Variants in NVL observed in about 807,000 individuals in gnomAD.
The protein encoded by NVL is nuclear valosin-containing protein-like.
Under a neutral mutation model 110.2 loss-of-function variants are expected in NVL, and 84 were observed. The ratio of observed to expected loss-of-function variants is 0.76; its 90% CI spans 0.64 to 0.91. The LOEUF (loss-of-function observed/expected upper bound fraction) is 0.91. Among genes scored for constraint, NVL ranks in the 40% least tolerant of loss-of-function variants. NVL has a pLI of 0.00. For missense variants in NVL, 882 were observed against 1,035.9 expected, an observed-to-expected ratio of 0.85 and a Z score of 2.04; for synonymous variants, 354 against 361.1, an observed-to-expected ratio of 0.98 and a Z score of 0.22.
chr1:224,259,560 ATAT>A (rs1663718068), intron 18 of NVL, among the ~76,000 whole-genome samples: 11 of 152,230 alleles, frequency 7.2e-5, no homozygotes, highest in Admixed American at 7.2e-4. Context: ...CACTATAAAT[ATAT>A]CCATTGAAAA....
chr1:224,263,311 G>A (rs1664164672), intron 18 of NVL, among the ~76,000 whole-genome samples: 1 of 152,144 alleles, frequency 6.6e-6, no homozygotes, highest in Non-Finnish European at 1.5e-5. Flanking sequence ...TTTCTCGTAG[G>A]GCTGTTGTGA....
intron 4 of NVL, among the ~76,000 whole-genome samples, chr1:224,317,143 GA>G (rs1237165279): frequency 0.039 from 2,723 of 69,852 alleles, 70 homozygotes; most frequent in African/African-American, 0.11. Context: ...AATCTCAAAA[GA>G]AAAAAAAAAA....
chr1:224,227,433 A>G lies in NVL; in HGVS notation c.*193T>C. Reference sequence around the variant, plus strand: ...TTGTCCTTTTTCTTAAAGAGGAAGAAGGCATTTTCACACAAGGCTGGCCAG... The same window carrying G: ...TTGTCCTTTTTCTTAAAGAGGAAGAGGGCATTTTCACACAAGGCTGGCCAG... On this transcript the variant is annotated 3_prime_UTR_variant, in exon 23 of 23. Transcript: ENST00000281701. 2.6e-6 allele frequency: 1 copy of G among 389,162 alleles called. No homozygotes were observed. Among genetic ancestry groups the G allele is most frequent in the Non-Finnish European group, 4.7e-6 (1 of 211,476 alleles). 24.1% of individuals were successfully genotyped at this position (389,162 alleles called of 1,614,324 possible). A position where few individuals can be genotyped will look rare whatever the true frequency, so the allele number is the denominator to read the frequency against.
intron 18 of NVL, among the ~76,000 whole-genome samples, chr1:224,255,625 G>C (rs1663132113): frequency 6.6e-6 from 1 of 152,134 alleles, no homozygotes. Flanking sequence ...GCCCAGGCTG[G>C]CCTCGAAGTG....
At position 224,293,582 on chromosome 1, in the gene NVL, C is replaced by T. The variant is rs186013463; in HGVS notation, c.1325+685G>A. ...CATTACTGGTAACAGGACCTGTGGT[C>T]TCAGACAGGTTAGTGCAATAGGTTA... On this transcript the variant is annotated intron_variant, in intron 12 of 22. Coordinates refer to ENST00000281701, the MANE Select transcript of NVL (RefSeq NM_002533.4). Among the ~76,000 whole-genome samples, 761 of 152,306 alleles carry T rather than the reference C, an allele frequency of 5.0e-3. 8 individuals carry two copies. The highest frequency in any genetic ancestry group is 6.3e-3 in the Non-Finnish European group (431 of 68,040).
In NVL at chr1:224,309,063, CA is replaced by C. The variant is rs58611576; in HGVS notation, c.343-801del. On this transcript the variant is annotated intron_variant, in intron 5 of 22. Transcript: ENST00000281701. ...GTGACAGAGCGGGACTCTGTCTCAA[CA>C]AAAAAAAAAAAAAAAAAAGACTTCA... 3.7e-4 allele frequency among the ~76,000 whole-genome samples: 38 copies of C among 103,102 alleles called. No homozygotes were observed. The Middle Eastern group carries it at 0.024, about 65-fold the overall frequency. The allele number at this position is 103,102 out of a possible 152,430, so 67.6% of individuals were successfully genotyped here. A position where few individuals can be genotyped will look rare whatever the true frequency, so the allele number is the denominator to read the frequency against.
Position 224,303,813 on chromosome 1 carries a change from G to A in NVL, c.870C>T (p.Tyr290=). ...MLIHMRHPEV[Y]HHLGVVPPRG... is the part of the protein sequence containing the mutation. ...GAGGGGGCACGACGCCCAGGTGGTG[G>A]TACACCTCCGGGTGACGCATGTGTA... is the stretch of plus-strand genomic sequence containing the variant. Residue 290 remains tyrosine (Y), a synonymous_variant, in exon 9 of 23, where the codon TAC becomes TAT. Coordinates refer to ENST00000281701, the MANE Select transcript of NVL (RefSeq NM_002533.4). 3 of 1,613,716 alleles carry A rather than the reference G, an allele frequency of 1.9e-6. No homozygotes were observed. The highest frequency in any genetic ancestry group is 2.5e-6 in the Non-Finnish European group (3 of 1,179,790).
intron 18 of NVL, among the ~76,000 whole-genome samples, chr1:224,260,541 C>G (rs926606411): frequency 1.3e-5 from 2 of 152,170 alleles, no homozygotes; most frequent in Non-Finnish European, 2.9e-5. Flanking sequence ...CAGGCATGAG[C>G]CAACACACCC....
At chr1:224,251,949 T>C (rs2102763291) in intron 18 of NVL, among the ~76,000 whole-genome samples, 1 of 152,282 alleles carries the variant, frequency 6.6e-6, no homozygotes, top group East Asian at 1.9e-4. Flanking sequence ...TGTCCTAAAA[T>C]ACACGTCCAA....
At chr1:224,271,674 G>A (rs1665122074) in intron 17 of NVL, among the ~76,000 whole-genome samples, 2 of 151,832 alleles carry the variant, frequency 1.3e-5, no homozygotes, top group South Asian at 2.1e-4. Context: ...TGTTTTATTT[G>A]AATTTTTCAC....
chr1:224,238,393 C>G (rs1017431380), intron 19 of NVL, among the ~76,000 whole-genome samples: 2 of 152,144 alleles, frequency 1.3e-5, no homozygotes, highest in African/African-American at 2.4e-5. Context: ...CAGGGTTCGG[C>G]GACCTGGCTG....
chr1:224,248,461 G>C (rs1054675606), intron 19 of NVL, among the ~76,000 whole-genome samples: 1 of 152,070 alleles, frequency 6.6e-6, no homozygotes, highest in Non-Finnish European at 1.5e-5. Flanking sequence ...TCATTCTTCT[G>C]TTCTCATCTG....
chr1:224,322,898 G>A (rs942791141), intron 2 of NVL, among the ~76,000 whole-genome samples: 2 of 151,998 alleles, frequency 1.3e-5, no homozygotes, highest in African/African-American at 4.8e-5. Flanking sequence ...AGGTTGCAGT[G>A]AGCTGAGATT....
Sources: allele counts gnomAD v4.1 joint callset (sites outside exome capture counted in the v4.1 genomes callset), GRCh38; gene constraint gnomAD v4.1.1; transcripts MANE v1.5; gene names NCBI Gene and HGNC (gene_info 2026-07-23, HGNC 2026-07-21).